Variants in PAGR1 observed in about 807,000 individuals in gnomAD.
PAGR1 encodes the protein PAXIP1 associated glutamate rich protein 1.
In PAGR1, 20 loss-of-function variants were observed where a neutral mutation model predicts 22.4. That is an observed-to-expected ratio of 0.89 (90% CI 0.63 to 1.30). PAGR1 has a LOEUF of 1.30. Ranked by LOEUF, PAGR1 falls within the 50% of genes most tolerant of loss-of-function variation. The probability of loss-of-function intolerance (pLI) is 0.00; values close to 1 mark genes in which losing one functional copy is unlikely to be tolerated. For synonymous variants in PAGR1, 161 were observed against 148.3 expected (o/e 1.09, Z -0.62); for missense variants, 338 against 343.6 (o/e 0.98, Z 0.13).
At position 29,821,131 on chromosome 16, in the gene PAGR1, C is replaced by T. The variant is rs1267551260; in HGVS notation, c.*1377C>T. On this transcript the variant is annotated 3_prime_UTR_variant, in exon 3 of 3. Transcript: ENST00000320330. ...GTGAAAACTAGGATGCTCAGCTGGA[C>T]CCACCAGCCTGAGATTCTGGGGATT... is the stretch of plus-strand genomic sequence containing the variant. The T allele has an allele frequency of 6.6e-6, 1 of 152,176 alleles. No homozygotes were observed. Among genetic ancestry groups the T allele is most frequent in the African/African-American group, 2.4e-5 (1 of 41,428 alleles). 9.4% of individuals were successfully genotyped at this position (152,176 alleles called of 1,614,324 possible). A position where few individuals can be genotyped will look rare whatever the true frequency, so the allele number is the denominator to read the frequency against.
rs1273127485 is a variant in PAGR1, at chr16:29,822,192, T to G, written c.*2438T>G. Reference sequence around the variant, plus strand: ...GCTGAAGCCTGGTTCCTGGGGTCGCTTCTGATCTAGGCGGTTCTTGCCTCT... The same window carrying G: ...GCTGAAGCCTGGTTCCTGGGGTCGCGTCTGATCTAGGCGGTTCTTGCCTCT... On this transcript the variant is annotated 3_prime_UTR_variant, in exon 3 of 3. Coordinates refer to ENST00000320330, the MANE Select transcript of PAGR1 (RefSeq NM_024516.4). Among the ~76,000 whole-genome samples, 1 of 151,534 alleles carries G rather than the reference T, an allele frequency of 6.6e-6. No individual in the cohort carries two copies. Among genetic ancestry groups the G allele is most frequent in the Non-Finnish European group, 1.5e-5 (1 of 67,840 alleles).
Position 29,816,287 on chromosome 16 carries a change from C to T in PAGR1, c.-239C>T, listed in dbSNP as rs895528230. 11 of 415,826 alleles carry T rather than the reference C, an allele frequency of 2.6e-5. No homozygotes were observed. Among genetic ancestry groups the T allele is most frequent in the Non-Finnish European group, 4.7e-5 (11 of 236,434 alleles). 25.8% of individuals were successfully genotyped at this position (415,826 alleles called of 1,614,324 possible). ...CCCTCTCCTCCCCCTTTCCCTCTTT[C>T]GGAAAGTGGTTTCTGCGGGGCCCGG... On this transcript the variant is annotated 5_prime_UTR_variant, in exon 1 of 3. Coordinates refer to ENST00000320330, the MANE Select transcript of PAGR1 (RefSeq NM_024516.4).
Position 29,816,588 on chromosome 16 carries a change from A to C in PAGR1, c.63A>C (p.Glu21Asp). 1.3e-6 allele frequency: 2 copies of C among 1,513,390 alleles called. No homozygotes were observed. The highest frequency in any genetic ancestry group is 1.3e-5 in the South Asian group (1 of 74,896). 93.7% of individuals were successfully genotyped at this position (1,513,390 alleles called of 1,614,324 possible). Residue 21 changes from glutamate to aspartate, a missense_variant, in exon 1 of 3, where the codon GAA becomes GAC. By Grantham distance (45) the Glu-to-Asp change is conservative. Coordinates refer to ENST00000320330, the MANE Select transcript of PAGR1 (RefSeq NM_024516.4). ...AASTAAPLSEEGEVTSGLQAL... is the reference protein window; with the variant it reads ...AASTAAPLSEDGEVTSGLQAL... ...GTACGGCGGCGCCTCTGTCTGAAGA[A>C]GGGGAAGTGACCTCCGGCCTCCAGG...
chr16:29,819,946 G>A lies in PAGR1; in HGVS notation c.*192G>A, dbSNP rs950614248. The A allele has an allele frequency of 1.6e-6, 1 of 611,062 alleles. No individual in the cohort carries two copies. Among genetic ancestry groups the A allele is most frequent in the East Asian group, 2.8e-5 (1 of 35,958 alleles). 37.9% of individuals were successfully genotyped at this position (611,062 alleles called of 1,614,324 possible). ...TTTTTCTATTGAACACCTGTAGAGT[G>A]TGTGTGTGTGTTTTCTATTGAACAC... On this transcript the variant is annotated 3_prime_UTR_variant, in exon 3 of 3. Transcript: ENST00000320330.
chr16:29,816,896 C>T lies in PAGR1; in HGVS notation c.371C>T (p.Thr124Ile). ...RLYELLAAHG[T>I]LELQAEILPR... ...TATGAACTGCTGGCTGCCCACGGTACTCTGGAGCTGCAAGCCGAGATCCTG... is the reference window on the plus strand; with the variant it reads ...TATGAACTGCTGGCTGCCCACGGTATTCTGGAGCTGCAAGCCGAGATCCTG... The change falls in exon 1 of 3, where the codon ACT (threonine) becomes ATT (isoleucine). Residue 124 changes from threonine to isoleucine, a missense_variant. Around this residue, in one of 3 missense-constraint regions of PAGR1, gnomAD observed 235 missense variants for 216.0 expected, o/e 1.09. Transcript: ENST00000320330. 6.4e-7 allele frequency: 1 copy of T among 1,563,050 alleles called. No homozygotes were observed.
intron 2 of PAGR1, chr16:29,819,327 C>T: frequency 3.5e-6 from 2 of 565,268 alleles, no homozygotes; most frequent in East Asian, 2.9e-5. Flanking sequence ...TGCCATTCCC[C>T]TGCCCAGTAT....
chr16:29,816,884 C>T lies in PAGR1; in HGVS notation c.359C>T (p.Ala120Val), dbSNP rs373200391. The T allele has an allele frequency of 5.1e-6, 8 of 1,563,720 alleles. No individual in the cohort carries two copies. The highest frequency in any genetic ancestry group is 6.1e-6 in the Non-Finnish European group (7 of 1,156,366). ...SEIQRLYELL[A>V]AHGTLELQAE... ...ATCCAGCGGCTCTATGAACTGCTGG[C>T]TGCCCACGGTACTCTGGAGCTGCAA... Residue 120 changes from alanine to valine, a missense_variant, in exon 1 of 3, where the codon GCT (alanine) becomes GTT (valine). By Grantham distance (64) the Ala-to-Val change is moderately conservative. This residue lies in a region of PAGR1 where 235 missense variants were observed against 216.0 expected (regional missense o/e 1.09). Transcript: ENST00000320330.
Position 29,816,716 on chromosome 16 carries a change from G to A in PAGR1, c.191G>A (p.Gly64Asp), listed in dbSNP as rs775092459. 4.4e-6 allele frequency: 7 copies of A among 1,608,800 alleles called. No individual in the cohort carries two copies. The highest frequency in any genetic ancestry group is 2.7e-5 in the African/African-American group (2 of 74,830). ...GAGACCGAGCGTGAGGGGTCCGGGG[G>A]CGAGGAGGCGCAGGGAGAAGTCCCC... ...REETEREGSG[G>D]EEAQGEVPSA... The change falls in exon 1 of 3, where the codon GGC becomes GAC. Residue 64 changes from glycine (G) to aspartate (D), a missense_variant. Gly to Asp is a moderately conservative substitution (Grantham distance 94, BLOSUM62 -1). Coordinates refer to ENST00000320330, the MANE Select transcript of PAGR1 (RefSeq NM_024516.4).
rs1900320563 is a variant in PAGR1 at position 29,819,680 on chromosome 16, G to A, written c.691G>A (p.Glu231Lys). 6.2e-7 allele frequency: 1 copy of A among 1,613,860 alleles called. No individual in the cohort carries two copies. The highest frequency in any genetic ancestry group is 1.3e-5 in the African/African-American group (1 of 75,028). The part of the protein sequence containing the change: ...TGRDLFSLDS[E>K]DPSPASPPLR... ...GAGGGACCTCTTCAGCCTGGACTCG[G>A]AGGACCCCAGCCCCGCCAGCCCCCC... The change falls in exon 3 of 3, where the codon GAG (glutamate) becomes AAG (lysine). Residue 231 changes from glutamate (E) to lysine (K), a missense_variant. Coordinates refer to ENST00000320330, the MANE Select transcript of PAGR1 (RefSeq NM_024516.4).
In PAGR1 at chr16:29,817,282, A is replaced by G. The variant is rs1900270496; in HGVS notation, c.555A>G (p.Arg185=). The change falls in exon 2 of 3, where the codon AGA becomes AGG. Residue 185 remains arginine, a synonymous_variant. Transcript: ENST00000320330. ...CAAAGGACTCCCTGATTGACCGGAG[A>G]CGCACCCCAGGTACAAACGAAGAGG... The part of the protein sequence containing the change: ...VTPKDSLIDR[R]RTPGSSARSQ... 2.5e-6 allele frequency: 4 copies of G among 1,613,988 alleles called. No individual in the cohort carries two copies. Among genetic ancestry groups the G allele is most frequent in the East Asian group, 2.2e-5 (1 of 44,854 alleles).
At chr16:29,819,147 C>G (rs1596901112) in intron 2 of PAGR1, among the ~76,000 whole-genome samples, 1 of 152,066 alleles carries the variant, frequency 6.6e-6, no homozygotes, top group African/African-American at 2.4e-5. Flanking sequence ...AGGCGCCCAC[C>G]ACCACGCCCA....
intron 2 of PAGR1, chr16:29,818,427 C>T (rs995637846): frequency 6.6e-6 from 1 of 152,230 alleles, no homozygotes; most frequent in African/African-American, 2.4e-5. Flanking sequence ...CCAAGTACCT[C>T]TGCTAGTCTC....
Position 29,819,742 on chromosome 16 carries a change from G to A in PAGR1, c.753G>A (p.Gln251=), listed in dbSNP as rs762615084. ...RSSGSSLFPR[Q]RKY is the part of the protein sequence containing the mutation. ...CCGGGAGTAGTCTCTTCCCTCGGCA[G>A]CGGAAATACTGATTCCCACTGCTCC... is the stretch of plus-strand genomic sequence containing the variant. Residue 251 remains glutamine (Q), a synonymous_variant, in exon 3 of 3, where the codon CAG becomes CAA. Transcript: ENST00000320330. 4.8e-5 allele frequency: 77 copies of A among 1,610,248 alleles called. 3 individuals are homozygous for A. The South Asian group carries it at 8.3e-4, about 17-fold the overall frequency.
At position 29,816,379 on chromosome 16, in the gene PAGR1, C is replaced by T. The variant is rs1900247078; in HGVS notation, c.-147C>T. On this transcript the variant is annotated 5_prime_UTR_variant, in exon 1 of 3. Coordinates refer to ENST00000320330, the MANE Select transcript of PAGR1 (RefSeq NM_024516.4). ...TTGGTGGGGACTGAGCGCCCCCTCC[C>T]GGGGACGGGCGGTCTGGCCGCGGAG... 1.2e-6 allele frequency: 1 copy of T among 820,570 alleles called. No individual in the cohort carries two copies. Among genetic ancestry groups the T allele is most frequent in the Middle Eastern group, 4.2e-4 (1 of 2,394 alleles). The allele number at this position is 820,570 out of a possible 1,614,324, so 50.8% of individuals were successfully genotyped here. A position where few individuals can be genotyped will look rare whatever the true frequency, so the allele number is the denominator to read the frequency against.
rs2067369459 is a variant in PAGR1 at position 29,822,375 on chromosome 16, C to G, written c.*2621C>G. Among the ~76,000 whole-genome samples the G allele has an allele frequency of 6.6e-6, 1 of 151,814 alleles. No homozygotes were observed. Among genetic ancestry groups the G allele is most frequent in the South Asian group, 2.1e-4 (1 of 4,812 alleles). On this transcript the variant is annotated 3_prime_UTR_variant, in exon 3 of 3. Coordinates refer to ENST00000320330, the MANE Select transcript of PAGR1 (RefSeq NM_024516.4). ...CATTCTCAATTTCCATTAATCATCT[C>G]CTAAAGGGGGTAAACCAGGAAGCCG...
Position 29,816,776 on chromosome 16 carries a change from C to A in PAGR1, c.251C>A (p.Ser84Tyr). The A allele has an allele frequency of 6.3e-7, 1 of 1,582,720 alleles. No individual in the cohort carries two copies. Among genetic ancestry groups the A allele is most frequent in the African/African-American group, 1.3e-5 (1 of 74,390 alleles). Reference protein sequence around the residue: ...AGGEEPAEEDSEDWCVPCSDE... With the variant: ...AGGEEPAEEDYEDWCVPCSDE... ...GGAGAAGAGCCTGCCGAGGAGGACT[C>A]CGAGGACTGGTGCGTGCCCTGCAGC... Residue 84 changes from serine (S) to tyrosine (Y), a missense_variant, in exon 1 of 3, where the codon TCC becomes TAC. Physicochemically the swap from Ser to Tyr is moderately radical, Grantham distance 144 (BLOSUM62 -2). Transcript: ENST00000320330.
At chr16:29,819,391 C>T (rs886371752) in intron 2 of PAGR1, 164 bp from the exon 3 acceptor site, 2 of 685,274 alleles carry the variant, frequency 2.9e-6, no homozygotes, top group African/African-American at 3.6e-5. Context: ...AAGATCTTTG[C>T]TTCTCACCCT....
At position 29,822,258 on chromosome 16, in the gene PAGR1, C is replaced by T. The variant is rs540874262; in HGVS notation, c.*2504C>T. On this transcript the variant is annotated 3_prime_UTR_variant, in exon 3 of 3. Coordinates refer to ENST00000320330, the MANE Select transcript of PAGR1 (RefSeq NM_024516.4). Reference sequence around the variant, plus strand: ...TTGGCAGGAGTGGGAGGAGGGAGGACAAGTGGAAGTCTAGGCTGGCTGAGC... The same window carrying T: ...TTGGCAGGAGTGGGAGGAGGGAGGATAAGTGGAAGTCTAGGCTGGCTGAGC... Among the ~76,000 whole-genome samples, 7 of 150,094 alleles carry T rather than the reference C, an allele frequency of 4.7e-5. No homozygotes were observed. In the East Asian group the frequency reaches 9.7e-4, roughly 21 times the overall value.
chr16:29,816,929 G>A lies in PAGR1; in HGVS notation c.404G>A (p.Arg135Gln). ...CTGCAAGCCGAGATCCTGCCCCGCC[G>A]GCCTCCCACGCCGGAGGCCCAGAGC... ...LELQAEILPR[R>Q]PPTPEAQSEE... The change falls in exon 1 of 3, where the codon CGG (arginine) becomes CAG (glutamine). Residue 135 changes from arginine to glutamine, a missense_variant. Arg to Gln is a conservative substitution (Grantham distance 43). This residue lies in a region of PAGR1 where 235 missense variants were observed against 216.0 expected (regional missense o/e 1.09). Transcript: ENST00000320330. 6.4e-7 allele frequency: 1 copy of A among 1,573,868 alleles called. No homozygotes were observed. Among genetic ancestry groups the A allele is most frequent in the South Asian group, 1.2e-5 (1 of 86,742 alleles).
Sources: allele counts gnomAD v4.1 joint callset (sites outside exome capture counted in the v4.1 genomes callset), GRCh38; gene constraint gnomAD v4.1.1; regional missense constraint gnomAD v4.1.1; transcripts MANE v1.5; gene names NCBI Gene and HGNC (gene_info 2026-07-23, HGNC 2026-07-21).